DOK6: variants seen among roughly 807,000 people sequenced by gnomAD.
The protein encoded by DOK6 is docking protein 6.
In DOK6, 22 loss-of-function variants were observed where a neutral mutation model predicts 44.0. The observed-to-expected ratio is 0.50, with a 90% CI of 0.36 to 0.71. The LOEUF (loss-of-function observed/expected upper bound fraction) is 0.71, where lower values mean the gene tolerates loss of function less well. Among genes scored for constraint, DOK6 ranks in the 30% least tolerant of loss-of-function variants. The pLI, the probability that DOK6 is intolerant of heterozygous loss-of-function variation, is 0.00. For synonymous variants in DOK6, 166 were observed against 145.5 expected (o/e 1.14, Z -1.01); for missense variants, 340 against 416.4 (o/e 0.82, Z 1.60).
intron 1 of DOK6, among the ~76,000 whole-genome samples, chr18:69,442,698 A>G (rs1487875178): frequency 2.6e-5 from 4 of 152,080 alleles, no homozygotes; most frequent in African/African-American, 4.8e-5. Context: ...TACTTTACAC[A>G]TGTTGCTTAT....
rs370640909 is a variant in DOK6, at chr18:69,655,887, GTCCACCATACA to G, written c.290-21842_290-21832del. On this transcript the variant is annotated intron_variant, in intron 3 of 7. Coordinates refer to ENST00000382713, the MANE Select transcript of DOK6 (RefSeq NM_152721.6). Reference sequence around the variant, plus strand: ...AAATAAGATATGAAAGAGTAAGAATGTCCACCATACATCCAACATATGTCTGACAGGATTTG... The same window carrying G: ...AAATAAGATATGAAAGAGTAAGAATGTCCAACATATGTCTGACAGGATTTG... Among the ~76,000 whole-genome samples, 756 of 150,776 alleles carry G rather than the reference GTCCACCATACA, an allele frequency of 5.0e-3. 10 individuals are homozygous for G. Among genetic ancestry groups the G allele is most frequent in the African/African-American group, 0.017 (692 of 41,130 alleles).
chr18:69,547,687 T>C (rs1982443106), intron 1 of DOK6, among the ~76,000 whole-genome samples: 1 of 151,236 alleles, frequency 6.6e-6, no homozygotes, highest in Non-Finnish European at 1.5e-5. Context: ...TTACAACCAA[T>C]GTCTCTTCAT....
intron 7 of DOK6, among the ~76,000 whole-genome samples, chr18:69,836,896 A>G (rs190691576): frequency 3.0e-4 from 45 of 152,300 alleles, no homozygotes; most frequent in Admixed American, 7.2e-4. Flanking sequence ...TCTCATACTC[A>G]TTGTTGCCAA....
intron 5 of DOK6, among the ~76,000 whole-genome samples, chr18:69,701,597 C>G (rs992368508): frequency 3.0e-4 from 46 of 152,142 alleles, no homozygotes; most frequent in African/African-American, 9.9e-4. Context: ...TTCAGGCGAA[C>G]CCCTGATCTT....
chr18:69,514,095 A>AT (rs986612415), intron 1 of DOK6, among the ~76,000 whole-genome samples: 3 of 151,972 alleles, frequency 2.0e-5, no homozygotes, highest in Non-Finnish European at 2.9e-5. Flanking sequence ...TTTCATTTAG[A>AT]TTTTTTCTCT....
chr18:69,481,170 T>G lies in DOK6; in HGVS notation c.66+79860T>G, dbSNP rs1980408900. 2.0e-5 allele frequency among the ~76,000 whole-genome samples: 3 copies of G among 152,218 alleles called. No individual in the cohort carries two copies. The South Asian group carries it at 6.2e-4, about 32-fold the overall frequency. On this transcript the variant is annotated intron_variant, in intron 1 of 7. Coordinates refer to ENST00000382713, the MANE Select transcript of DOK6 (RefSeq NM_152721.6). ...GTTCACATCCCTTGAGGTTCATATCTGAGAGTGGAGAGGAGCTGAGATACC... is the reference window on the plus strand; with the variant it reads ...GTTCACATCCCTTGAGGTTCATATCGGAGAGTGGAGAGGAGCTGAGATACC...
rs569188206 is a variant in DOK6, at chr18:69,437,879, C to G, written c.66+36569C>G. Reference sequence around the variant, plus strand: ...AAACAAATTTGGAGGTTTTCTGGTGCATATAAAAGTCATGTTCACACTCTG... The same window carrying G: ...AAACAAATTTGGAGGTTTTCTGGTGGATATAAAAGTCATGTTCACACTCTG... On this transcript the variant is annotated intron_variant, in intron 1 of 7. Transcript: ENST00000382713. Among the ~76,000 whole-genome samples the G allele has an allele frequency of 5.3e-5, 8 of 152,238 alleles. No homozygotes were observed. The East Asian group carries it at 1.3e-3, about 26-fold the overall frequency.
intron 3 of DOK6, among the ~76,000 whole-genome samples, chr18:69,634,443 C>T (rs368649887): frequency 1.3e-5 from 2 of 152,204 alleles, no homozygotes; most frequent in African/African-American, 4.8e-5. Context: ...ATTTTAGTCC[C>T]GGTAATTTCA....
At chr18:69,436,101 C>T (rs193161733) in intron 1 of DOK6, among the ~76,000 whole-genome samples, 60 of 151,720 alleles carry the variant, frequency 4.0e-4, no homozygotes, top group African/African-American at 1.5e-3. Flanking sequence ...ATATTAAAAT[C>T]TATGTGATAA....
At chr18:69,615,333 T>G (rs1599223257) in intron 3 of DOK6, among the ~76,000 whole-genome samples, 1 of 152,308 alleles carries the variant, frequency 6.6e-6, no homozygotes, top group Middle Eastern at 3.4e-3. Flanking sequence ...GAACATTCCA[T>G]TACTTTGGGG....
chr18:69,416,622 T>A (rs1036848049), intron 1 of DOK6, among the ~76,000 whole-genome samples: 1 of 152,146 alleles, frequency 6.6e-6, no homozygotes, highest in African/African-American at 2.4e-5. Context: ...AAATTTCACC[T>A]ATTTAACAAT....
At chr18:69,460,478 T>C (rs1028080303) in intron 1 of DOK6, among the ~76,000 whole-genome samples, 4 of 152,192 alleles carry the variant, frequency 2.6e-5, no homozygotes, top group African/African-American at 9.6e-5. Context: ...ATAATATCAG[T>C]CAGTTTATGC....
chr18:69,596,198 C>A (rs1017073975), intron 2 of DOK6, among the ~76,000 whole-genome samples: 2 of 152,132 alleles, frequency 1.3e-5, no homozygotes, highest in African/African-American at 2.4e-5. Context: ...CAGGAACTAT[C>A]ACTTTAAAAG....
intron 1 of DOK6, among the ~76,000 whole-genome samples, chr18:69,549,360 T>C (rs1982500191): frequency 6.6e-6 from 1 of 151,338 alleles, no homozygotes; most frequent in South Asian, 2.1e-4. Context: ...TTAACCATGC[T>C]TTTTTTATTA....
At chr18:69,565,930 A>T (rs947864307) in intron 2 of DOK6, among the ~76,000 whole-genome samples, 9 of 152,316 alleles carry the variant, frequency 5.9e-5, no homozygotes, top group Non-Finnish European at 8.8e-5. Flanking sequence ...TTTGGCAATA[A>T]AGTGAAACCT....
chr18:69,551,822 C>T (rs1313611414), intron 1 of DOK6, among the ~76,000 whole-genome samples: 2 of 152,138 alleles, frequency 1.3e-5, no homozygotes, highest in Non-Finnish European at 1.5e-5. Flanking sequence ...TTTAATGTTT[C>T]ACTCTTTCCA....
chr18:69,510,725 G>C (rs910462523), intron 1 of DOK6, among the ~76,000 whole-genome samples: 1 of 152,124 alleles, frequency 6.6e-6, no homozygotes, highest in Non-Finnish European at 1.5e-5. Flanking sequence ...AGGGAAGTCA[G>C]ATTCAGTTTA....
chr18:69,843,274 T>C lies in DOK6; in HGVS notation c.*1891T>C, dbSNP rs1017544066. The stretch of plus-strand genomic sequence containing the variant: ...AGCGGAGGAGCAGATGACTGGTTCC[T>C]ACAACTGTACAGCCTTCCTTGAAAT... On this transcript the variant is annotated 3_prime_UTR_variant, in exon 8 of 8. Coordinates refer to ENST00000382713, the MANE Select transcript of DOK6 (RefSeq NM_152721.6). 5.3e-5 allele frequency: 8 copies of C among 152,266 alleles called. No individual in the cohort carries two copies. The highest frequency in any genetic ancestry group is 1.9e-4 in the African/African-American group (8 of 41,482). 9.4% of individuals were successfully genotyped at this position (152,266 alleles called of 1,614,324 possible).
intron 6 of DOK6, among the ~76,000 whole-genome samples, chr18:69,752,900 C>T (rs1979231313): frequency 6.6e-6 from 1 of 152,106 alleles, no homozygotes; most frequent in Non-Finnish European, 1.5e-5. Flanking sequence ...TTAGCAACTC[C>T]CCATCTTATC....
Sources: gnomAD v4.1 joint callset for allele counts (sites outside exome capture counted in the v4.1 genomes callset) on GRCh38, gnomAD v4.1.1 for gene constraint, MANE v1.5 for transcripts, NCBI Gene and HGNC (gene_info 2026-07-23, HGNC 2026-07-21) for gene names.